DSCAM: variants seen among roughly 807,000 people sequenced by gnomAD.
DSCAM encodes cell adhesion molecule DSCAM.
Under a neutral mutation model 217.7 loss-of-function variants are expected in DSCAM, and 47 were observed. The ratio of observed to expected loss-of-function variants is 0.22; its 90% CI spans 0.17 to 0.28. The LOEUF (loss-of-function observed/expected upper bound fraction) is 0.28, where lower values mean the gene tolerates loss of function less well. DSCAM is among the 10% of genes least tolerant of loss of function. The pLI is 1.00. For missense variants in DSCAM, 2,080 were observed against 2,618.3 expected, an observed-to-expected ratio of 0.79 and a Z score of 4.49; for synonymous variants, 1,056 against 1,015.3, an observed-to-expected ratio of 1.04 and a Z score of -0.76.
intron 7 of DSCAM, among the ~76,000 whole-genome samples, chr21:40,338,637 G>T (rs567568372): frequency 5.9e-5 from 9 of 152,288 alleles, no homozygotes; most frequent in East Asian, 1.9e-4. Context: ...CAAGATAAAA[G>T]GCAATTTAAT....
intron 1 of DSCAM, among the ~76,000 whole-genome samples, chr21:40,750,944 A>G (rs1353286637): frequency 1.3e-5 from 2 of 152,114 alleles, no homozygotes; most frequent in African/African-American, 4.8e-5. Context: ...TCCAGTCCCC[A>G]TGCCCCTTCA....
At chr21:40,828,502 GA>G (rs1267646549) in intron 1 of DSCAM, among the ~76,000 whole-genome samples, 1 of 152,112 alleles carries the variant, frequency 6.6e-6, no homozygotes, top group Non-Finnish European at 1.5e-5. Flanking sequence ...AGCTGTCATG[GA>G]TAAAGTCCCC....
At chr21:40,190,830 C>A (rs2090945841) in intron 11 of DSCAM, among the ~76,000 whole-genome samples, 1 of 152,170 alleles carries the variant, frequency 6.6e-6, no homozygotes, top group Non-Finnish European at 1.5e-5. Context: ...TGATTGAGAA[C>A]CAGCCTCCCA....
At chr21:40,271,256 C>T (rs2073612430) in intron 11 of DSCAM, among the ~76,000 whole-genome samples, 1 of 152,196 alleles carries the variant, frequency 6.6e-6, no homozygotes, top group Non-Finnish European at 1.5e-5. Context: ...ACTTTGGGAG[C>T]TTGGGGGTTC....
At chr21:40,178,563 C>CA in intron 15 of DSCAM, among the ~76,000 whole-genome samples, 1 of 152,308 alleles carries the variant, frequency 6.6e-6, no homozygotes, top group South Asian at 2.1e-4. Context: ...CACTGGACTT[C>CA]ACAGGGTCTC....
intron 3 of DSCAM, among the ~76,000 whole-genome samples, chr21:40,486,326 C>A (rs2076028081): frequency 6.6e-6 from 1 of 152,178 alleles, no homozygotes; most frequent in Admixed American, 6.5e-5. Flanking sequence ...TCCTTCCCCT[C>A]TTGACTGTCC....
At chr21:40,247,584 T>C (rs1446092692) in intron 11 of DSCAM, among the ~76,000 whole-genome samples, 2 of 152,244 alleles carry the variant, frequency 1.3e-5, no homozygotes, top group African/African-American at 4.8e-5. Context: ...GTCATGCTGA[T>C]GCAACAGATG....
At chr21:40,153,266 C>T (rs2090443061) in intron 16 of DSCAM, among the ~76,000 whole-genome samples, 1 of 152,204 alleles carries the variant, frequency 6.6e-6, no homozygotes, top group South Asian at 2.1e-4. Flanking sequence ...CCAGGGACAC[C>T]TTTGAGTGAA....
intron 4 of DSCAM, among the ~76,000 whole-genome samples, chr21:40,367,112 T>C (rs529356487): frequency 3.9e-5 from 6 of 152,170 alleles, no homozygotes; most frequent in Admixed American, 3.9e-4. Context: ...TGTGCAAACA[T>C]TACCAGCCAC....
chr21:40,259,787 C>T (rs987887165), intron 11 of DSCAM, among the ~76,000 whole-genome samples: 3 of 149,508 alleles, frequency 2.0e-5, no homozygotes, highest in Admixed American at 6.7e-5. Context: ...TATTCTCCTG[C>T]CTCAGCCTCC....
chr21:40,085,989 G>A (rs1160607888), intron 22 of DSCAM, among the ~76,000 whole-genome samples: 1 of 152,204 alleles, frequency 6.6e-6, no homozygotes, highest in Non-Finnish European at 1.5e-5. Flanking sequence ...TGAGATCTGT[G>A]TCAAGGGCCC....
In DSCAM at chr21:40,085,701, T is replaced by C. The variant is rs1402560804; in HGVS notation, c.4033A>G (p.Ile1345Val). ...TCTTCTGCTTTCACCGTGCGAATAA[T>C]GAAGCTTCCGTTGCTAAAGATGCTC... ...RRSIFSNGSF[I>V]IRTVKAEDSG... Residue 1345 changes from isoleucine to valine, a missense_variant, in exon 23 of 33, where the codon ATT becomes GTT. Coordinates refer to ENST00000400454, the MANE Select transcript of DSCAM (RefSeq NM_001389.5). 1.9e-6 allele frequency: 3 copies of C among 1,589,652 alleles called. No homozygotes were observed. Among genetic ancestry groups the C allele is most frequent in the Non-Finnish European group, 2.6e-6 (3 of 1,161,128 alleles).
chr21:40,582,426 G>C (rs745962529), intron 3 of DSCAM, among the ~76,000 whole-genome samples: 4 of 152,132 alleles, frequency 2.6e-5, no homozygotes, highest in Non-Finnish European at 5.9e-5. Flanking sequence ...ACCAGATTCA[G>C]AGACCAAGAT....
At chr21:40,372,380 T>C (rs73355384) in intron 3 of DSCAM, among the ~76,000 whole-genome samples, 317 of 152,326 alleles carry the variant, frequency 2.1e-3, no homozygotes, top group African/African-American at 7.2e-3. Flanking sequence ...CCTTTGTGTG[T>C]CTTTCTGTTT....
At chr21:40,464,664 A>G (rs2075829988) in intron 3 of DSCAM, among the ~76,000 whole-genome samples, 1 of 150,786 alleles carries the variant, frequency 6.6e-6, no homozygotes, top group African/African-American at 2.4e-5. Context: ...TGAAAGAGCC[A>G]CCCTGTTCAG....
chr21:40,784,385 T>G (rs1016816591), intron 1 of DSCAM, among the ~76,000 whole-genome samples: 1 of 152,196 alleles, frequency 6.6e-6, no homozygotes, highest in African/African-American at 2.4e-5. Flanking sequence ...ACCATGATTG[T>G]GAGGCCTCCC....
At chr21:40,529,713 G>C (rs949969058) in intron 3 of DSCAM, among the ~76,000 whole-genome samples, 55 of 152,252 alleles carry the variant, frequency 3.6e-4, no homozygotes, top group East Asian at 1.2e-3. Flanking sequence ...GAGTTTGGAA[G>C]AATGTACATA....
At chr21:40,522,360 A>G (rs2076365925) in intron 3 of DSCAM, among the ~76,000 whole-genome samples, 1 of 152,210 alleles carries the variant, frequency 6.6e-6, no homozygotes, top group Non-Finnish European at 1.5e-5. Context: ...GTTCCACTTG[A>G]TTATAGTTCA....
chr21:40,396,291 G>A (rs902062106), intron 3 of DSCAM, among the ~76,000 whole-genome samples: 3 of 152,090 alleles, frequency 2.0e-5, no homozygotes, highest in Non-Finnish European at 2.9e-5. Context: ...CAACCATAAC[G>A]GGTACCAGAG....
Sources: allele counts gnomAD v4.1 joint callset (sites outside exome capture counted in the v4.1 genomes callset), GRCh38; gene constraint gnomAD v4.1.1; transcripts MANE v1.5; gene names NCBI Gene and HGNC (gene_info 2026-07-23, HGNC 2026-07-21).